The following ANO5 variants were observed in gnomAD, a reference collection of about 807,000 sequenced individuals.
ANO5 encodes the protein anoctamin-5.
In ANO5, 109 loss-of-function variants were observed where a neutral mutation model predicts 121.0. The ratio of observed to expected loss-of-function variants is 0.90; its 90% CI spans 0.77 to 1.06. ANO5 has a LOEUF of 1.06. Ranked by LOEUF, ANO5 falls within the 50% of genes least tolerant of loss-of-function variation. ANO5 has a pLI of 0.00. For synonymous variants in ANO5, 406 were observed against 359.9 expected (o/e 1.13, Z -1.45); for missense variants, 1,064 against 1,078.5 (o/e 0.99, Z 0.19).
chr11:22,229,612 T>C (rs767862246), intron 7 of ANO5, among the ~76,000 whole-genome samples: 62 of 151,996 alleles, frequency 4.1e-4, no homozygotes, highest in Non-Finnish European at 1.5e-4. Context: ...GTAATGCACT[T>C]TGAAAACTGA....
At chr11:22,260,414 G>A (rs1229501308) in intron 15 of ANO5, among the ~76,000 whole-genome samples, 5 of 152,074 alleles carry the variant, frequency 3.3e-5, no homozygotes, top group Admixed American at 6.5e-5. Context: ...GTTCAAGCTC[G>A]TTTGAATCTG....
At chr11:22,277,554 TATAA>T (rs1854910899) in intron 21 of ANO5, among the ~76,000 whole-genome samples, 1 of 151,638 alleles carries the variant, frequency 6.6e-6, no homozygotes, top group Non-Finnish European at 1.5e-5. Context: ...ATTATGACTT[TATAA>T]ATATTAGTCA....
intron 3 of ANO5, among the ~76,000 whole-genome samples, chr11:22,215,264 G>A (rs554336316): frequency 9.5e-4 from 144 of 151,996 alleles, no homozygotes; most frequent in African/African-American, 3.4e-3. Context: ...TATGGCACAG[G>A]CACAAACCAA....
At chr11:22,256,392 A>G (rs910770168) in intron 13 of ANO5, among the ~76,000 whole-genome samples, 1 of 152,196 alleles carries the variant, frequency 6.6e-6, no homozygotes, top group Non-Finnish European at 1.5e-5. Context: ...CCATTTAGGC[A>G]TTCACTGAAC....
chr11:22,275,176 T>C (rs1456686648), intron 20 of ANO5, among the ~76,000 whole-genome samples: 1 of 151,914 alleles, frequency 6.6e-6, no homozygotes, highest in Non-Finnish European at 1.5e-5. Context: ...TGAAATATAA[T>C]ATGATCAGTT....
Position 22,250,670 on chromosome 11 carries a change from C to T in ANO5, c.1014-71C>T, listed in dbSNP as rs1179341854. 2.1e-6 allele frequency: 3 copies of T among 1,443,428 alleles called. No homozygotes were observed. The African/African-American group carries it at 4.2e-5, about 20-fold the overall frequency. 89.4% of individuals were successfully genotyped at this position (1,443,428 alleles called of 1,614,324 possible). A position where few individuals can be genotyped will look rare whatever the true frequency, so the allele number is the denominator to read the frequency against. On this transcript the variant is annotated intron_variant, in intron 10 of 21. Transcript: ENST00000324559. ...GTGAGAAGTTATATAAGTAGTTGTT[C>T]TAATAAGAACAGCTTGGACTTTTAC...
rs1233895548 is a variant in ANO5, at chr11:22,227,733, G to T, written c.648+147G>T. 7.9e-6 allele frequency: 8 copies of T among 1,006,358 alleles called. No homozygotes were observed. In the African/African-American group the frequency reaches 1.1e-4, roughly 14 times the overall value. 62.3% of individuals were successfully genotyped at this position (1,006,358 alleles called of 1,614,324 possible). On this transcript the variant is annotated intron_variant, in intron 7 of 21. Coordinates refer to ENST00000324559, the MANE Select transcript of ANO5 (RefSeq NM_213599.3). ...TTTGGTGATATTGGGGAGTTTGAAAGTCTAATTAGACCACATAAACGTATT... is the reference window on the plus strand; with the variant it reads ...TTTGGTGATATTGGGGAGTTTGAAATTCTAATTAGACCACATAAACGTATT...
intron 12 of ANO5, among the ~76,000 whole-genome samples, chr11:22,253,997 A>G (rs1352221571): frequency 2.0e-5 from 3 of 152,174 alleles, no homozygotes; most frequent in African/African-American, 7.2e-5. Flanking sequence ...ATGGTCCACA[A>G]TAATTAATTG....
At chr11:22,258,361 A>G (rs936876182) in intron 14 of ANO5, among the ~76,000 whole-genome samples, 1 of 152,208 alleles carries the variant, frequency 6.6e-6, no homozygotes, top group Non-Finnish European at 1.5e-5. Flanking sequence ...AGATTACATA[A>G]TAATCATTGA....
Position 22,215,284 on chromosome 11 carries a change from G to A in ANO5, c.139-2962G>A, listed in dbSNP as rs186706879. Among the ~76,000 whole-genome samples, 4 of 152,014 alleles carry A rather than the reference G, an allele frequency of 2.6e-5. No individual in the cohort carries two copies. In the East Asian group the frequency reaches 7.8e-4, roughly 29 times the overall value. On this transcript the variant is annotated intron_variant, in intron 3 of 21. Transcript: ENST00000324559. ...CACAGGCACAAACCAATCAGAAGGA[G>A]TCTTTGAGTAAAATGACAAGAAGCA...
At chr11:22,232,848 C>G (rs1445771969) in intron 7 of ANO5, among the ~76,000 whole-genome samples, 1 of 151,974 alleles carries the variant, frequency 6.6e-6, no homozygotes, top group African/African-American at 2.4e-5. Flanking sequence ...TTTACTCCAT[C>G]TGTTTTTGTG....
At chr11:22,218,438 T>A in intron 4 of ANO5, 151 bp downstream of exon 4, 1 of 1,022,248 alleles carries the variant, frequency 9.8e-7, no homozygotes, top group Non-Finnish European at 1.5e-6. Flanking sequence ...TAGTGATTCT[T>A]AATTTGTTCT....
chr11:22,225,929 G>T, intron 5 of ANO5, 55 bp from the exon 6 acceptor site: 1 of 1,375,596 alleles, frequency 7.3e-7, no homozygotes, highest in South Asian at 1.2e-5. Context: ...TGTCAATACT[G>T]AGCAAATAAA....
At chr11:22,251,942 A>G (rs1362210899) in intron 12 of ANO5, among the ~76,000 whole-genome samples, 1 of 148,036 alleles carries the variant, frequency 6.8e-6, no homozygotes, top group Non-Finnish European at 1.5e-5. Flanking sequence ...AGGCAAGAGA[A>G]TGGCATGAAC....
At chr11:22,257,855 C>A in intron 14 of ANO5, 101 bp downstream of exon 14, 2 of 947,370 alleles carry the variant, frequency 2.1e-6, no homozygotes, top group East Asian at 2.6e-5. Context: ...TTTCCTTTCC[C>A]TCTCCCTCCC....
chr11:22,279,633 A>G lies in ANO5; in HGVS notation c.2610A>G (p.Leu870=), dbSNP rs369103376. Residue 870 remains leucine, a synonymous_variant, in exon 22 of 22, where the codon TTA becomes TTG. Coordinates refer to ENST00000324559, the MANE Select transcript of ANO5 (RefSeq NM_213599.3). ...TGGAGAGAATCAAGAGAGAAAAGTT[A>G]ATGACTATCAAGATTCTCCATGATT... ...DVVERIKREK[L]MTIKILHDFE... The G allele has an allele frequency of 1.3e-5, 21 of 1,612,840 alleles. No homozygotes were observed. The African/African-American group carries it at 2.0e-4, about 15-fold the overall frequency.
intron 1 of ANO5, among the ~76,000 whole-genome samples, chr11:22,198,635 A>C (rs566724366): frequency 6.6e-6 from 1 of 152,292 alleles, no homozygotes; most frequent in African/African-American, 2.4e-5. Context: ...CTTTTTGTAA[A>C]AATAGAATTG....
intron 7 of ANO5, among the ~76,000 whole-genome samples, chr11:22,233,257 G>GA (rs1853104882): frequency 6.6e-6 from 1 of 150,850 alleles, no homozygotes; most frequent in African/African-American, 2.5e-5. Context: ...GAAAACATAA[G>GA]AAAAAAATGC....
At chr11:22,233,927 C>A (rs1385477462) in intron 7 of ANO5, among the ~76,000 whole-genome samples, 2 of 152,154 alleles carry the variant, frequency 1.3e-5, no homozygotes, top group African/African-American at 4.8e-5. Flanking sequence ...CCCTGAACCA[C>A]TTCCACCGCT....
Sources: gnomAD v4.1 joint callset for allele counts (sites outside exome capture counted in the v4.1 genomes callset) on GRCh38, gnomAD v4.1.1 for gene constraint, MANE v1.5 for transcripts, NCBI Gene and HGNC (gene_info 2026-07-23, HGNC 2026-07-21) for gene names.